CDH23: variants seen among roughly 807,000 people sequenced by gnomAD.
CDH23 encodes cadherin-23.
Under a neutral mutation model 317.1 loss-of-function variants are expected in CDH23, and 189 were observed. The observed-to-expected ratio is 0.60, with a 90% CI of 0.53 to 0.67. The LOEUF (loss-of-function observed/expected upper bound fraction) is 0.67. CDH23 is among the 30% of genes least tolerant of loss of function. The probability of loss-of-function intolerance (pLI) is 0.00; values close to 1 mark genes in which losing one functional copy is unlikely to be tolerated. For missense variants in CDH23, 4,401 were observed against 4,592.4 expected (o/e 0.96, Z 1.20); for synonymous variants, 1,839 against 1,876.8 (o/e 0.98, Z 0.52).
At chr10:71,525,932 C>T (rs1202807544) in intron 6 of CDH23, among the ~76,000 whole-genome samples, 2 of 152,214 alleles carry the variant, frequency 1.3e-5, no homozygotes, top group Non-Finnish European at 1.5e-5. Flanking sequence ...TGCCTGAGGG[C>T]CTGCTGGGTG....
chr10:71,506,708 G>C (rs1031624642), intron 3 of CDH23, among the ~76,000 whole-genome samples: 1 of 152,144 alleles, frequency 6.6e-6, no homozygotes, highest in Non-Finnish European at 1.5e-5. Flanking sequence ...AGCAGCGCTG[G>C]GCGGAGGAGT....
In CDH23 at chr10:71,619,496, A is replaced by G. The variant is rs1176996937; in HGVS notation, c.1134+2103A>G. Among the ~76,000 whole-genome samples, 3 of 152,342 alleles carry G rather than the reference A, an allele frequency of 2.0e-5. No homozygotes were observed. The East Asian group carries it at 5.8e-4, about 29-fold the overall frequency. On this transcript the variant is annotated intron_variant, in intron 11 of 69. Coordinates refer to ENST00000224721, the MANE Select transcript of CDH23 (RefSeq NM_022124.6). ...AGATGACTGTATGAATGAGATGCTC[A>G]GAAGAAAGTCCCATCTGTGGTTTCA...
chr10:71,614,158 C>T (rs965303552), intron 9 of CDH23, among the ~76,000 whole-genome samples: 1 of 152,174 alleles, frequency 6.6e-6, no homozygotes, highest in Non-Finnish European at 1.5e-5. Flanking sequence ...TGTAAACAGC[C>T]CCTCCCTGCT....
At chr10:71,627,944 G>T (rs1366267506) in intron 11 of CDH23, among the ~76,000 whole-genome samples, 1 of 152,124 alleles carries the variant, frequency 6.6e-6, no homozygotes, top group East Asian at 1.9e-4. Flanking sequence ...TGGCTGGCTT[G>T]TACCCTCCCT....
intron 1 of CDH23, among the ~76,000 whole-genome samples, chr10:71,432,276 G>A (rs1849410189): frequency 1.1e-5 from 1 of 92,580 alleles, no homozygotes; most frequent in Admixed American, 1.1e-4. Context: ...GTGTGCATGA[G>A]TGTGTTTGAG....
intron 6 of CDH23, among the ~76,000 whole-genome samples, chr10:71,537,121 C>A (rs1431764712): frequency 6.6e-6 from 1 of 152,096 alleles, no homozygotes; most frequent in Non-Finnish European, 1.5e-5. Context: ...TTCATGGGCC[C>A]ATGGCTGAGG....
chr10:71,584,469 G>A (rs956874218), intron 9 of CDH23, among the ~76,000 whole-genome samples: 4 of 151,970 alleles, frequency 2.6e-5, no homozygotes, highest in African/African-American at 9.7e-5. Flanking sequence ...TGCTACCCAA[G>A]TGAGGAGGTA....
chr10:71,792,907 A>G (rs1322886574), intron 47 of CDH23, among the ~76,000 whole-genome samples: 4 of 141,860 alleles, frequency 2.8e-5, no homozygotes, highest in African/African-American at 1.0e-4. Context: ...TGTGACTTGT[A>G]TAATTGACAG....
chr10:71,417,027 C>CTTTTTTTTTTTTTTTTTTTTTTTT (rs59400313), intron 1 of CDH23, among the ~76,000 whole-genome samples: 1 of 146,094 alleles, frequency 6.8e-6, no homozygotes, highest in African/African-American at 2.5e-5. Flanking sequence ...CTTTGGTTTT[C>CTTTTTTTTTTTTTTTTTTTTTTTT]TTTTTTTTTC....
chr10:71,468,956 G>T (rs181299852), intron 3 of CDH23, among the ~76,000 whole-genome samples: 1 of 152,182 alleles, frequency 6.6e-6, no homozygotes, highest in Non-Finnish European at 1.5e-5. Context: ...TTTCTGCCAG[G>T]CTCCTTCTCT....
intron 6 of CDH23, among the ~76,000 whole-genome samples, chr10:71,527,957 A>G (rs572400232): frequency 6.6e-6 from 1 of 152,014 alleles, no homozygotes; most frequent in Admixed American, 6.5e-5. Context: ...ATGTTTCCAT[A>G]TGCTTGGGGG....
Position 71,760,147 on chromosome 10 carries a change from G to GTATGTATATA in CDH23, c.4846-17532_4846-17531insATGTATATAT, listed in dbSNP as rs1554868696. Among the ~76,000 whole-genome samples the GTATGTATATA allele has an allele frequency of 4.1e-3, 126 of 30,812 alleles. 44 individuals carry two copies. Among genetic ancestry groups the GTATGTATATA allele is most frequent in the African/African-American group, 9.8e-3 (93 of 9,476 alleles). 20.2% of individuals were successfully genotyped at this position (30,812 alleles called of 152,430 possible). ...TATATATATGTATATACATATATAT[G>GTATGTATATA]TGTGTATATATATGTATATACATAT... On this transcript the variant is annotated intron_variant, in intron 38 of 69. Coordinates refer to ENST00000224721, the MANE Select transcript of CDH23 (RefSeq NM_022124.6).
chr10:71,581,903 C>A (rs1393061496), intron 9 of CDH23, among the ~76,000 whole-genome samples: 1 of 152,226 alleles, frequency 6.6e-6, no homozygotes, highest in Non-Finnish European at 1.5e-5. Context: ...CACTCACCCC[C>A]CCAACAGAGC....
chr10:71,640,309 C>T (rs1862476997), intron 11 of CDH23, among the ~76,000 whole-genome samples: 1 of 152,250 alleles, frequency 6.6e-6, no homozygotes, highest in Admixed American at 6.5e-5. Context: ...CTTCCTAAGC[C>T]TTCTCTGCTC....
intron 30 of CDH23, among the ~76,000 whole-genome samples, chr10:71,729,235 A>G (rs1454232175): frequency 1.3e-5 from 2 of 152,228 alleles, no homozygotes; most frequent in Non-Finnish European, 2.9e-5. Flanking sequence ...ATGGTGCGTA[A>G]TTGCACAATT....
rs867730028 is a variant in CDH23, at chr10:71,759,854, C to T, written c.4846-17826C>T. ...ACACACACACACACACACATATACA[C>T]ACACACACACATATATATACACACA... On this transcript the variant is annotated intron_variant, in intron 38 of 69. Transcript: ENST00000224721. 1.9e-3 allele frequency among the ~76,000 whole-genome samples: 213 copies of T among 109,270 alleles called. 9 individuals are homozygous for T. The highest frequency in any genetic ancestry group is 9.3e-3 in the Middle Eastern group (2 of 214). 71.7% of individuals were successfully genotyped at this position (109,270 alleles called of 152,430 possible).
intron 9 of CDH23, among the ~76,000 whole-genome samples, chr10:71,578,796 G>A (rs890338778): frequency 6.6e-6 from 1 of 152,184 alleles, no homozygotes; most frequent in Non-Finnish European, 1.5e-5. Context: ...TATCTGGGCA[G>A]GCCAGGTTGA....
At chr10:71,581,904 C>A (rs542102745) in intron 9 of CDH23, among the ~76,000 whole-genome samples, 2 of 152,338 alleles carry the variant, frequency 1.3e-5, no homozygotes, top group South Asian at 4.1e-4. Context: ...ACTCACCCCC[C>A]CAACAGAGCA....
At chr10:71,430,994 A>G (rs149190534) in intron 1 of CDH23, among the ~76,000 whole-genome samples, 83 of 152,226 alleles carry the variant, frequency 5.5e-4, no homozygotes, top group African/African-American at 1.8e-3. Flanking sequence ...TACCACTCAC[A>G]TTTTCTTTAA....
Sources: allele counts gnomAD v4.1 joint callset (sites outside exome capture counted in the v4.1 genomes callset), GRCh38; gene constraint gnomAD v4.1.1; transcripts MANE v1.5; gene names NCBI Gene and HGNC (gene_info 2026-07-23, HGNC 2026-07-21).